FDFT1: variants seen among roughly 807,000 people sequenced by gnomAD.
The protein encoded by FDFT1 is farnesyl-diphosphate farnesyltransferase 1.
FDFT1 carries 68 observed loss-of-function variants against 46.8 expected under a neutral mutation model. The ratio of observed to expected loss-of-function variants is 1.45; its 90% CI spans 1.19 to 1.78. The LOEUF is 1.78. Ranked by LOEUF, FDFT1 falls within the 40% of genes most tolerant of loss-of-function variation. The pLI, the probability that FDFT1 is intolerant of heterozygous loss-of-function variation, is 0.00. For missense variants in FDFT1, 928 were observed against 524.4 expected, an observed-to-expected ratio of 1.77 and a Z score of -7.52; for synonymous variants, 351 against 185.1, an observed-to-expected ratio of 1.90 and a Z score of -7.28.
chr8:11,830,138 G>T, intron 5 of FDFT1, 106 bp from the exon 6 acceptor site: 1 of 949,688 alleles, frequency 1.1e-6, no homozygotes, highest in Non-Finnish European at 1.7e-6. Context: ...GAGCCACGGC[G>T]CCCAGCCTGT....
intron 1 of FDFT1, chr8:11,803,617 T>C (rs1156915293): frequency 7.3e-6 from 4 of 545,886 alleles, no homozygotes; most frequent in Middle Eastern, 7.6e-4. Context: ...AAGAAAATTA[T>C]TCGTACGCGA....
chr8:11,803,003 C>A (rs559592713), intron 1 of FDFT1, 72 bp downstream of exon 1: 10 of 1,535,216 alleles, frequency 6.5e-6, no homozygotes, highest in Non-Finnish European at 7.9e-6. Context: ...CCTGAGCGGC[C>A]GGGCCCGGAT....
In FDFT1 at chr8:11,838,577, ACAGAAGACTATGTT is replaced by A; in HGVS notation, c.1227_1240del (p.Glu409AspfsTer39). 6.2e-7 allele frequency: 1 copy of A among 1,614,034 alleles called. No homozygotes were observed. Among genetic ancestry groups the A allele is most frequent in the Non-Finnish European group, 8.5e-7 (1 of 1,179,970 alleles). ...GTACCTGACCACTCTCTCCCAGGTA[ACAGAAGACTATGTT>A]CAGACTGGAGAACACTGATCCCAAA... On this transcript the variant is annotated frameshift_variant, in exon 8 of 8. Transcript: ENST00000220584. LOFTEE classifies it high-confidence loss of function.
chr8:11,814,426 A>AT (rs1277236082), intron 3 of FDFT1, among the ~76,000 whole-genome samples: 2 of 151,612 alleles, frequency 1.3e-5, no homozygotes, highest in Non-Finnish European at 2.9e-5. Flanking sequence ...TGGGCTCTTA[A>AT]TTTTAGGTGT....
At position 11,814,161 on chromosome 8, in the gene FDFT1, G is replaced by A. The variant is rs549404079; in HGVS notation, c.381+4311G>A. Among the ~76,000 whole-genome samples, 5 of 152,292 alleles carry A rather than the reference G, an allele frequency of 3.3e-5. No individual in the cohort carries two copies. The South Asian group carries it at 1.0e-3, about 32-fold the overall frequency. On this transcript the variant is annotated intron_variant, in intron 3 of 7. Transcript: ENST00000220584. Reference sequence around the variant, plus strand: ...ATGAGCAGAGTCCAACGGAGATTCAGGGATTCTAATAACCTCTTGTAGAAT... The same window carrying A: ...ATGAGCAGAGTCCAACGGAGATTCAAGGATTCTAATAACCTCTTGTAGAAT...
At chr8:11,836,035 C>A (rs1301788504) in intron 7 of FDFT1, among the ~76,000 whole-genome samples, 1 of 147,506 alleles carries the variant, frequency 6.8e-6, no homozygotes, top group Non-Finnish European at 1.5e-5. Context: ...TGCCTGTAAT[C>A]CCACCTACTT....
At chr8:11,826,939 A>C (rs957132483) in intron 5 of FDFT1, among the ~76,000 whole-genome samples, 1 of 152,212 alleles carries the variant, frequency 6.6e-6, no homozygotes, top group Admixed American at 6.5e-5. Context: ...ATTTCCCCCA[A>C]AGAAAGAATT....
chr8:11,820,777 C>G (rs1427457402), intron 3 of FDFT1, among the ~76,000 whole-genome samples: 8 of 152,214 alleles, frequency 5.3e-5, no homozygotes, highest in Non-Finnish European at 1.2e-4. Flanking sequence ...GTCACTCACG[C>G]CTTTCCTTGG....
chr8:11,826,193 G>A lies in FDFT1; in HGVS notation c.680G>A (p.Gly227Glu), dbSNP rs373557843. 1.9e-6 allele frequency: 3 copies of A among 1,570,300 alleles called. No individual in the cohort carries two copies. The highest frequency in any genetic ancestry group is 2.6e-6 in the Non-Finnish European group (3 of 1,148,280). The stretch of plus-strand genomic sequence containing the variant: ...GACTATCTGGAAGACCAGCAAGGAG[G>A]AAGAGAGTTCTGGCCTCAAGAGGTA... ...IRDYLEDQQG[G>E]REFWPQEVWS... The change falls in exon 5 of 8, where the codon GGA becomes GAA. Residue 227 changes from glycine to glutamate, a missense_variant. Coordinates refer to ENST00000220584, the MANE Select transcript of FDFT1 (RefSeq NM_004462.5).
At chr8:11,816,496 A>G (rs939015046) in intron 3 of FDFT1, among the ~76,000 whole-genome samples, 1 of 152,218 alleles carries the variant, frequency 6.6e-6, no homozygotes, top group Non-Finnish European at 1.5e-5. Flanking sequence ...CTTCCTATCC[A>G]TGAGCATGGA....
intron 3 of FDFT1, among the ~76,000 whole-genome samples, chr8:11,816,646 C>T (rs1808493963): frequency 1.3e-5 from 2 of 152,122 alleles, no homozygotes; most frequent in East Asian, 1.9e-4. Flanking sequence ...AATGGGAGTT[C>T]ACTCATGATT....
intron 3 of FDFT1, among the ~76,000 whole-genome samples, chr8:11,811,384 A>G (rs902104108): frequency 6.6e-6 from 1 of 152,224 alleles, no homozygotes; most frequent in Non-Finnish European, 1.5e-5. Flanking sequence ...ATTACATTTG[A>G]CTTGAGTGGA....
chr8:11,828,443 A>G (rs1178057562), intron 5 of FDFT1, among the ~76,000 whole-genome samples: 7 of 152,218 alleles, frequency 4.6e-5, no homozygotes, highest in Non-Finnish European at 1.0e-4. Flanking sequence ...AGAGAAGGGA[A>G]GGGGATTGTC....
intron 4 of FDFT1, among the ~76,000 whole-genome samples, chr8:11,823,936 G>C (rs896642625): frequency 6.6e-6 from 1 of 152,072 alleles, no homozygotes; most frequent in Non-Finnish European, 1.5e-5. Flanking sequence ...GGTAGAGACA[G>C]GGTTTCATCG....
chr8:11,808,716 TC>T, intron 1 of FDFT1, 77 bp from the exon 2 acceptor site: 1 of 1,311,088 alleles, frequency 7.6e-7, no homozygotes, highest in Non-Finnish European at 9.8e-7. Flanking sequence ...CCAGTCCCAC[TC>T]CCACTCCCAC....
At chr8:11,822,359 G>A (rs767253362) in intron 4 of FDFT1, among the ~76,000 whole-genome samples, 39 of 152,172 alleles carry the variant, frequency 2.6e-4, no homozygotes, top group Non-Finnish European at 5.1e-4. Flanking sequence ...TAGGATCTCC[G>A]AAAAGATGCT....
intron 1 of FDFT1, chr8:11,807,920 C>T (rs1807070957): frequency 1.3e-5 from 2 of 152,232 alleles, no homozygotes; most frequent in Admixed American, 1.3e-4. Context: ...AACTGCTCCA[C>T]TGCGAATACA....
At chr8:11,830,758 T>C (rs370385792) in intron 6 of FDFT1, among the ~76,000 whole-genome samples, 1 of 152,220 alleles carries the variant, frequency 6.6e-6, no homozygotes, top group South Asian at 2.1e-4. Context: ...GAAGCTGTTA[T>C]CATTAAAAAG....
intron 1 of FDFT1, among the ~76,000 whole-genome samples, chr8:11,806,546 G>A (rs1224614836): frequency 2.0e-5 from 3 of 152,136 alleles, no homozygotes; most frequent in Non-Finnish European, 4.4e-5. Flanking sequence ...GAGGGGTAGT[G>A]TTCTTGAAGA....
Sources: allele counts gnomAD v4.1 joint callset (sites outside exome capture counted in the v4.1 genomes callset), GRCh38; gene constraint gnomAD v4.1.1; transcripts MANE v1.5; gene names NCBI Gene and HGNC (gene_info 2026-07-23, HGNC 2026-07-21).